The following GRIN3A variants were observed in gnomAD, a reference collection of about 807,000 sequenced individuals.
GRIN3A encodes glutamate receptor ionotropic, NMDA 3A.
A neutral mutation model predicts 92.4 loss-of-function variants in GRIN3A; 47 were observed. The observed-to-expected ratio is 0.51, with a 90% CI of 0.40 to 0.65. The LOEUF (loss-of-function observed/expected upper bound fraction) is 0.65. GRIN3A is among the 30% of genes least tolerant of loss of function. The pLI is 0.00. For synonymous variants in GRIN3A, 527 were observed against 540.6 expected, an observed-to-expected ratio of 0.97 and a Z score of 0.35; for missense variants, 1,324 against 1,393.1, an observed-to-expected ratio of 0.95 and a Z score of 0.79.
At chr9:101,622,986 C>A (rs1464290878) in intron 5 of GRIN3A, among the ~76,000 whole-genome samples, 1 of 102,508 alleles carries the variant, frequency 9.8e-6, no homozygotes, top group Non-Finnish European at 2.0e-5. Context: ...TAGCAACACC[C>A]TGCCACTAAA....
chr9:101,628,393 A>T lies in GRIN3A; in HGVS notation c.2361T>A (p.His787Gln). The T allele has an allele frequency of 3.1e-6, 5 of 1,613,782 alleles. No homozygotes were observed. The highest frequency in any genetic ancestry group is 3.4e-6 in the Non-Finnish European group (4 of 1,179,748). ...TTCCAAAGCGGAATCCTTGGGAAGG[A>T]TGATGTAACTATGAGGGAGAAAAAG... ...LSGIHDPKLH[H>Q]PSQGFRFGTV... The change falls in exon 4 of 9, where the codon CAT becomes CAA. Residue 787 changes from histidine to glutamine, a missense_variant. His to Gln is a conservative substitution (Grantham distance 24, BLOSUM62 0). Coordinates refer to ENST00000361820, the MANE Select transcript of GRIN3A (RefSeq NM_133445.3).
At chr9:101,614,819 G>T (rs557795103) in intron 5 of GRIN3A, among the ~76,000 whole-genome samples, 1 of 151,252 alleles carries the variant, frequency 6.6e-6, no homozygotes, top group Non-Finnish European at 1.5e-5. Flanking sequence ...GGGTCTCACC[G>T]TGTTGCCCAG....
chr9:101,578,478 G>A lies in GRIN3A; in HGVS notation c.2932-634C>T, dbSNP rs1588234336. Among the ~76,000 whole-genome samples the A allele has an allele frequency of 3.9e-5, 6 of 152,226 alleles. No homozygotes were observed. In the South Asian group the frequency reaches 1.2e-3, roughly 32 times the overall value. ...GAGGTAATCCATGGTACACTGGAGG[G>A]CAGGAGGTGGTCTCACCACAGGAGA... On this transcript the variant is annotated intron_variant, in intron 7 of 8. Transcript: ENST00000361820.
At chr9:101,675,365 T>C (rs956422273) in intron 2 of GRIN3A, among the ~76,000 whole-genome samples, 3 of 151,976 alleles carry the variant, frequency 2.0e-5, no homozygotes, top group African/African-American at 7.2e-5. Context: ...ATAAGCAAGA[T>C]CAATATTTAA....
intron 1 of GRIN3A, among the ~76,000 whole-genome samples, chr9:101,720,814 C>A (rs1343626498): frequency 6.6e-6 from 1 of 151,958 alleles, no homozygotes; most frequent in East Asian, 1.9e-4. Flanking sequence ...CTCATGGAAA[C>A]ATAGAGGGGA....
In GRIN3A at chr9:101,595,452, CT is replaced by C. The variant is rs559563308; in HGVS notation, c.2767-16093del. Among the ~76,000 whole-genome samples the C allele has an allele frequency of 2.5e-3, 381 of 152,136 alleles. 1 individual carries two copies. The highest frequency in any genetic ancestry group is 8.8e-3 in the African/African-American group (364 of 41,502). On this transcript the variant is annotated intron_variant, in intron 6 of 8. Coordinates refer to ENST00000361820, the MANE Select transcript of GRIN3A (RefSeq NM_133445.3). ...AATAAATATACGCCGAATGACTGAA[CT>C]GCAACCAAGGACACTGTATACTTGC... is the stretch of plus-strand genomic sequence containing the variant.
chr9:101,644,460 C>CAAAAAAAA (rs35576054), intron 3 of GRIN3A, among the ~76,000 whole-genome samples: 1 of 95,128 alleles, frequency 1.1e-5, no homozygotes, highest in African/African-American at 3.5e-5. Context: ...ATTAGTCACT[C>CAAAAAAAA]AAAAAAAAAA....
chr9:101,629,501 A>T (rs1828684187), intron 3 of GRIN3A, among the ~76,000 whole-genome samples: 1 of 152,220 alleles, frequency 6.6e-6, no homozygotes, highest in South Asian at 2.1e-4. Context: ...AATACCTGCA[A>T]CCACTGCCAT....
intron 2 of GRIN3A, among the ~76,000 whole-genome samples, chr9:101,683,845 A>G (rs528182013): frequency 3.3e-5 from 1 of 30,150 alleles, no homozygotes; most frequent in Non-Finnish European, 6.5e-5. Flanking sequence ...AGAGAGAGAC[A>G]GTGAGAGAGA....
chr9:101,639,199 T>C (rs1828822020), intron 3 of GRIN3A, among the ~76,000 whole-genome samples: 1 of 152,188 alleles, frequency 6.6e-6, no homozygotes. Flanking sequence ...CTGTCTTACA[T>C]GAGACTTTTA....
At chr9:101,625,424 T>C (rs1483360135) in intron 4 of GRIN3A, among the ~76,000 whole-genome samples, 1 of 152,100 alleles carries the variant, frequency 6.6e-6, no homozygotes, top group Non-Finnish European at 1.5e-5. Context: ...ACCCAGAAGA[T>C]TCATCAGGGC....
chr9:101,707,374 C>T (rs768758213), intron 1 of GRIN3A, among the ~76,000 whole-genome samples: 20 of 152,148 alleles, frequency 1.3e-4, no homozygotes, highest in Non-Finnish European at 2.1e-4. Flanking sequence ...AAATCCAACT[C>T]GGAAAAGCAT....
intron 6 of GRIN3A, among the ~76,000 whole-genome samples, chr9:101,583,150 T>A (rs569574815): frequency 6.6e-6 from 1 of 152,290 alleles, no homozygotes; most frequent in Admixed American, 6.5e-5. Context: ...TTACCCAAGA[T>A]CATGCAAGCT....
intron 6 of GRIN3A, among the ~76,000 whole-genome samples, chr9:101,598,215 G>A (rs1033929677): frequency 6.6e-6 from 1 of 152,132 alleles, no homozygotes; most frequent in Admixed American, 6.5e-5. Flanking sequence ...ATTTATGAAT[G>A]AGTTGTTTTA....
At chr9:101,591,010 AAG>A (rs999309676) in intron 6 of GRIN3A, among the ~76,000 whole-genome samples, 1 of 152,184 alleles carries the variant, frequency 6.6e-6, no homozygotes, top group African/African-American at 2.4e-5. Flanking sequence ...CTGTTTCAAA[AAG>A]AGTGTCTAGT....
At chr9:101,610,593 CTAT>C (rs1828350195) in intron 6 of GRIN3A, among the ~76,000 whole-genome samples, 2 of 138,290 alleles carry the variant, frequency 1.4e-5, no homozygotes, top group African/African-American at 5.1e-5. Context: ...ATCTATCTAT[CTAT>C]CTATCTATCT....
intron 1 of GRIN3A, among the ~76,000 whole-genome samples, chr9:101,698,132 T>G (rs1228372234): frequency 6.6e-6 from 1 of 152,186 alleles, no homozygotes; most frequent in Non-Finnish European, 1.5e-5. Flanking sequence ...ATATAGTTAA[T>G]GCAAAAAAAG....
intron 2 of GRIN3A, among the ~76,000 whole-genome samples, chr9:101,680,194 TG>T (rs1292679843): frequency 6.6e-6 from 1 of 152,222 alleles, no homozygotes; most frequent in Non-Finnish European, 1.5e-5. Context: ...CACTAAGTTA[TG>T]GTGACAGTGG....
chr9:101,585,577 G>C (rs1827939768), intron 6 of GRIN3A, among the ~76,000 whole-genome samples: 1 of 152,118 alleles, frequency 6.6e-6, no homozygotes, highest in South Asian at 2.1e-4. Context: ...CCATGACACA[G>C]GGAAAAAAAC....
Sources: allele counts gnomAD v4.1 joint callset (sites outside exome capture counted in the v4.1 genomes callset), GRCh38; gene constraint gnomAD v4.1.1; transcripts MANE v1.5; gene names NCBI Gene and HGNC (gene_info 2026-07-23, HGNC 2026-07-21).